Variants in RUNX3 observed in about 807,000 individuals in gnomAD.
RUNX3 encodes RUNX family transcription factor 3.
A neutral mutation model predicts 27.7 loss-of-function variants in RUNX3; 10 were observed. That is an observed-to-expected ratio of 0.36 (90% CI 0.22 to 0.61). RUNX3 has a LOEUF of 0.61. RUNX3 is among the 20% of genes least tolerant of loss of function. RUNX3 has a pLI of 0.72. For synonymous variants in RUNX3, 270 were observed against 269.2 expected (o/e 1.00, Z -0.03); for missense variants, 469 against 629.5 (o/e 0.75, Z 2.73).
rs545495610 is a variant in RUNX3 at position 24,904,662 on chromosome 1, C to T, written c.704-1996G>A. 3.3e-5 allele frequency among the ~76,000 whole-genome samples: 5 copies of T among 152,180 alleles called. No individual in the cohort carries two copies. Among genetic ancestry groups the T allele is most frequent in the Non-Finnish European group, 7.4e-5 (5 of 68,016 alleles). The stretch of plus-strand genomic sequence containing the variant: ...TCAAGACGAAGGAAACAAATGGGGA[C>T]CGCAGGATACAACGGCAGGACTGTG... On this transcript the variant is annotated intron_variant, in intron 4 of 4. Coordinates refer to ENST00000308873, the MANE Select transcript of RUNX3 (RefSeq NM_004350.3). The surrounding 1 kb of genome is among the most constrained non-coding windows in gnomAD (Gnocchi z 5.7).
rs1354837158 is a variant in RUNX3 at position 24,901,033 on chromosome 1, TTTG to T, written c.*1086_*1088del. ...AACTGTTTTGTTTTTTTTTTGTTTT[TTTG>T]TTTTTTTTTTTTTTTTGCTCAGGAC... On this transcript the variant is annotated 3_prime_UTR_variant, in exon 5 of 5. Transcript: ENST00000308873. 5 of 142,846 alleles carry T rather than the reference TTTG, an allele frequency of 3.5e-5. No individual in the cohort carries two copies. Among genetic ancestry groups the T allele is most frequent in the Non-Finnish European group, 7.4e-5 (5 of 67,526 alleles). The allele number at this position is 142,846 out of a possible 1,614,324, so 8.8% of individuals were successfully genotyped here. A position where few individuals can be genotyped will look rare whatever the true frequency, so the allele number is the denominator to read the frequency against.
intron 2 of RUNX3, among the ~76,000 whole-genome samples, chr1:24,939,285 A>C (rs1233043469): frequency 6.6e-6 from 1 of 152,154 alleles, no homozygotes; most frequent in Non-Finnish European, 1.5e-5. Flanking sequence ...TCACACATTC[A>C]CTGGCAGCTC....
intron 2 of RUNX3, among the ~76,000 whole-genome samples, chr1:24,950,908 C>G (rs778682110): frequency 3.3e-5 from 5 of 152,042 alleles, no homozygotes; most frequent in South Asian, 2.1e-4. Context: ...GATGTGCTGC[C>G]GTAAGAAGGG....
chr1:24,906,666 C>A (rs1640670325), intron 4 of RUNX3, among the ~76,000 whole-genome samples: 1 of 152,236 alleles, frequency 6.6e-6, no homozygotes, highest in African/African-American at 2.4e-5. Context: ...TCGGTCTTCC[C>A]TTCCACCTCA....
At chr1:24,958,441 T>C (rs1470068613) in intron 2 of RUNX3, among the ~76,000 whole-genome samples, 1 of 152,210 alleles carries the variant, frequency 6.6e-6, no homozygotes, top group Non-Finnish European at 1.5e-5. Flanking sequence ...TTTCGTCATG[T>C]ATGAAATGAG....
chr1:24,903,806 T>TA (rs1337516928), intron 4 of RUNX3, among the ~76,000 whole-genome samples: 1 of 152,222 alleles, frequency 6.6e-6, no homozygotes, highest in Non-Finnish European at 1.5e-5. Flanking sequence ...GCCGGACAGT[T>TA]ATCCTGGTTT....
At chr1:24,914,159 G>T (rs1461643028) in intron 3 of RUNX3, among the ~76,000 whole-genome samples, 1 of 152,354 alleles carries the variant, frequency 6.6e-6, no homozygotes, top group African/African-American at 2.4e-5. Context: ...TGGCCGTAAG[G>T]TCCAGCTGGC....
chr1:24,934,252 C>T (rs1478870554), upstream of RUNX3, among the ~76,000 whole-genome samples: 1 of 152,220 alleles, frequency 6.6e-6, no homozygotes, highest in African/African-American at 2.4e-5. Context: ...GGGTTGTCTC[C>T]TGTAGGCCGG....
At chr1:24,905,242 T>C (rs1039749789) in intron 4 of RUNX3, among the ~76,000 whole-genome samples, 1 of 152,166 alleles carries the variant, frequency 6.6e-6, no homozygotes. Flanking sequence ...CAGCAACCCC[T>C]CTTTGTCAGG....
upstream of RUNX3, among the ~76,000 whole-genome samples, chr1:24,932,122 C>G (rs1486379960): frequency 6.6e-6 from 1 of 152,226 alleles, no homozygotes; most frequent in Non-Finnish European, 1.5e-5. Flanking sequence ...TTCCATTTGT[C>G]GAATGGTTTC....
chr1:24,948,790 G>T (rs1349016276), intron 2 of RUNX3, among the ~76,000 whole-genome samples: 3 of 152,082 alleles, frequency 2.0e-5, no homozygotes, highest in Non-Finnish European at 4.4e-5. Flanking sequence ...AAGGGTACAT[G>T]TGGGGAGGCC....
intron 4 of RUNX3, among the ~76,000 whole-genome samples, chr1:24,903,296 T>G (rs1320328555): frequency 2.0e-5 from 3 of 152,146 alleles, no homozygotes; most frequent in Admixed American, 1.3e-4. Flanking sequence ...CACACCTGGG[T>G]TGTGGGCACT....
rs376114926 is a variant in RUNX3, at chr1:24,962,707, G to A, written c.58+1807C>T. On this transcript the variant is annotated intron_variant, in intron 2 of 6. Transcript: ENST00000338888. The surrounding 1 kb of genome is among the most constrained non-coding windows in gnomAD (Gnocchi z 4.5). ...TGCCACTGCTGGCCAGGATCAGCCC[G>A]CTCTGCCCAGCGGCCTCCTGTCTCT... 7.9e-5 allele frequency among the ~76,000 whole-genome samples: 12 copies of A among 152,272 alleles called. No individual in the cohort carries two copies. The highest frequency in any genetic ancestry group is 5.8e-4 in the East Asian group (3 of 5,186).
chr1:24,956,096 G>A (rs886677087), intron 2 of RUNX3, among the ~76,000 whole-genome samples: 1 of 152,214 alleles, frequency 6.6e-6, no homozygotes, highest in Admixed American at 6.5e-5. Context: ...TCCACAGCCC[G>A]ACAGGGCAGA....
chr1:24,903,063 G>A (rs74060467), intron 4 of RUNX3, among the ~76,000 whole-genome samples: 3,614 of 152,284 alleles, frequency 0.024, 112 homozygotes, highest in African/African-American at 0.071. Flanking sequence ...TCTCCCCACC[G>A]GCCCATGTTA....
intron 2 of RUNX3, among the ~76,000 whole-genome samples, chr1:24,959,696 C>A (rs988658879): frequency 6.6e-6 from 1 of 152,220 alleles, no homozygotes. Flanking sequence ...AGCCTCCTCC[C>A]TGTCCGGTGA....
rs756674957 is a variant in RUNX3 at position 24,902,594 on chromosome 1, G to T, written c.776C>A (p.Thr259Lys). ...CCTGGGGTCTGGGAAGCGGCTCTCCGTGAGGGTTGGCAGCGTGGGGAAGGA... is the reference window on the plus strand; with the variant it reads ...CCTGGGGTCTGGGAAGCGGCTCTCCTTGAGGGTTGGCAGCGTGGGGAAGGA... ...DRSFPTLPTL[T>K]ESRFPDPRMH... Residue 259 changes from threonine (T) to lysine (K), a missense_variant, in exon 5 of 5, where the codon ACG becomes AAG. Physicochemically the swap from Thr to Lys is moderately conservative, Grantham distance 78. Coordinates refer to ENST00000308873, the MANE Select transcript of RUNX3 (RefSeq NM_004350.3). This position sits in a 1 kb window ranked among gnomAD's most constrained non-coding sequence, Gnocchi z 9.2. The T allele has an allele frequency of 1.3e-6, 2 of 1,555,280 alleles. No individual in the cohort carries two copies. The highest frequency in any genetic ancestry group is 3.7e-5 in the Admixed American group (2 of 54,614).
rs1226944911 is a variant in RUNX3 at position 24,899,759 on chromosome 1, C to T, written c.*2363G>A. On this transcript the variant is annotated 3_prime_UTR_variant, in exon 5 of 5. Transcript: ENST00000308873. ...GACAATATGTCACAAAAGATTGGTACCCACTACTGACAGGCTCACAGTAAC... is the reference window on the plus strand; with the variant it reads ...GACAATATGTCACAAAAGATTGGTATCCACTACTGACAGGCTCACAGTAAC... 1.3e-5 allele frequency: 2 copies of T among 152,576 alleles called. No individual in the cohort carries two copies. The highest frequency in any genetic ancestry group is 2.9e-5 in the Non-Finnish European group (2 of 68,050). The allele number at this position is 152,576 out of a possible 1,614,324, so 9.5% of individuals were successfully genotyped here. A position where few individuals can be genotyped will look rare whatever the true frequency, so the allele number is the denominator to read the frequency against.
At chr1:24,935,364 C>T (rs190304667) in intron 2 of RUNX3, among the ~76,000 whole-genome samples, 30 of 152,258 alleles carry the variant, frequency 2.0e-4, no homozygotes, top group African/African-American at 5.1e-4. Flanking sequence ...GGTTGTGACC[C>T]GAGGCCCCTC....
Sources: allele counts gnomAD v4.1 joint callset (sites outside exome capture counted in the v4.1 genomes callset), GRCh38; gene constraint gnomAD v4.1.1; non-coding constraint Gnocchi (gnomAD v3.1); transcripts MANE v1.5; gene names NCBI Gene and HGNC (gene_info 2026-07-23, HGNC 2026-07-21).